RAP1GDS1: variants seen among roughly 807,000 people sequenced by gnomAD.
The protein encoded by RAP1GDS1 is Rap1 GTPase-GDP dissociation stimulator 1.
Under a neutral mutation model 71.1 loss-of-function variants are expected in RAP1GDS1, and 35 were observed. The ratio of observed to expected loss-of-function variants is 0.49; its 90% CI spans 0.38 to 0.65. The LOEUF (loss-of-function observed/expected upper bound fraction) is 0.65, where lower values mean the gene tolerates loss of function less well. RAP1GDS1 is among the 30% of genes least tolerant of loss of function. The pLI is 0.00. For synonymous variants in RAP1GDS1, 229 were observed against 243.1 expected (o/e 0.94, Z 0.54); for missense variants, 663 against 706.1 (o/e 0.94, Z 0.69).
chr4:98,323,267 G>C (rs1166259710), intron 2 of RAP1GDS1, among the ~76,000 whole-genome samples: 1 of 147,624 alleles, frequency 6.8e-6, no homozygotes, highest in Non-Finnish European at 1.5e-5. Context: ...AGCTGAAATT[G>C]TGGCAATAAT....
At chr4:98,346,780 G>A (rs1001427357) in intron 3 of RAP1GDS1, among the ~76,000 whole-genome samples, 4 of 152,012 alleles carry the variant, frequency 2.6e-5, no homozygotes, top group East Asian at 3.9e-4. Context: ...TCCTGACCTC[G>A]TGATCTGCCC....
intron 12 of RAP1GDS1, among the ~76,000 whole-genome samples, chr4:98,423,483 T>C (rs1222975195): frequency 3.9e-5 from 6 of 152,216 alleles, no homozygotes; most frequent in Non-Finnish European, 4.4e-5. Context: ...TTAAAGGGTT[T>C]TAAGCAGCAA....
chr4:98,431,463 AT>A (rs1267681490), intron 12 of RAP1GDS1, among the ~76,000 whole-genome samples: 1 of 152,222 alleles, frequency 6.6e-6, no homozygotes, highest in African/African-American at 2.4e-5. Flanking sequence ...AGCATGGATA[AT>A]TTGCCTTGGT....
At chr4:98,413,044 G>T (rs531080216) in intron 7 of RAP1GDS1, among the ~76,000 whole-genome samples, 5 of 152,028 alleles carry the variant, frequency 3.3e-5, no homozygotes, top group Non-Finnish European at 2.9e-5. Context: ...GCAGAGAACC[G>T]GTCTGACCTC....
chr4:98,303,885 G>T (rs555437978), intron 2 of RAP1GDS1, among the ~76,000 whole-genome samples: 91 of 151,912 alleles, frequency 6.0e-4, no homozygotes, highest in Non-Finnish European at 9.7e-4. Context: ...CCCATTGTGT[G>T]GTGTTCCCCT....
At chr4:98,353,807 G>A (rs967327490) in intron 4 of RAP1GDS1, among the ~76,000 whole-genome samples, 2 of 151,948 alleles carry the variant, frequency 1.3e-5, no homozygotes, top group South Asian at 4.1e-4. Flanking sequence ...AAATTCTGTT[G>A]CTTTATGTTT....
In RAP1GDS1 at chr4:98,293,415, C is replaced by T; in HGVS notation, c.12C>T (p.Leu4=). MDN[L]SDTLKKLKIT... is the part of the protein sequence containing the mutation. ...TTTTTTTTCTTTAAGCAGATAATCT[C>T]AGTGATACCTTGAAGAAGCTGAAGA... Residue 4 remains leucine, a synonymous_variant, in exon 2 of 15, where the codon CTC becomes CTT. Coordinates refer to ENST00000408927, the MANE Select transcript of RAP1GDS1 (RefSeq NM_001100427.2). 1 of 1,592,644 alleles carries T rather than the reference C, an allele frequency of 6.3e-7. No homozygotes were observed. The highest frequency in any genetic ancestry group is 8.5e-7 in the Non-Finnish European group (1 of 1,170,742).
chr4:98,344,325 C>T (rs187363686), intron 3 of RAP1GDS1, among the ~76,000 whole-genome samples: 7 of 152,148 alleles, frequency 4.6e-5, no homozygotes, highest in Non-Finnish European at 5.9e-5. Context: ...GGACCAACCC[C>T]TATCTGAATT....
At chr4:98,283,812 T>C (rs1725565343) in intron 1 of RAP1GDS1, among the ~76,000 whole-genome samples, 1 of 145,386 alleles carries the variant, frequency 6.9e-6, no homozygotes, top group South Asian at 2.3e-4. Flanking sequence ...GTACATTTCA[T>C]TGTGATTTTT....
At chr4:98,356,123 AGAAAG>A (rs1737934638) in intron 4 of RAP1GDS1, among the ~76,000 whole-genome samples, 2 of 152,178 alleles carry the variant, frequency 1.3e-5, no homozygotes, top group South Asian at 4.1e-4. Context: ...AGATCAGAGA[AGAAAG>A]GAAAGTTGTA....
At chr4:98,414,566 A>T (rs1189852162) in intron 7 of RAP1GDS1, among the ~76,000 whole-genome samples, 26 of 150,786 alleles carry the variant, frequency 1.7e-4, no homozygotes, top group East Asian at 1.6e-3. Context: ...TTCTGTTCCA[A>T]TGATCTATAT....
intron 2 of RAP1GDS1, among the ~76,000 whole-genome samples, chr4:98,319,668 C>G (rs977929024): frequency 9.9e-5 from 15 of 151,220 alleles, no homozygotes; most frequent in Non-Finnish European, 2.1e-4. Flanking sequence ...ATAATCCCAG[C>G]TACTCGGGAG....
intron 1 of RAP1GDS1, among the ~76,000 whole-genome samples, chr4:98,282,239 TG>T (rs1725222098): frequency 1.3e-5 from 2 of 152,208 alleles, no homozygotes; most frequent in Admixed American, 6.5e-5. Context: ...CGTCTGTCCC[TG>T]GACTTTTTTT....
At chr4:98,405,109 A>C (rs944861479) in intron 7 of RAP1GDS1, among the ~76,000 whole-genome samples, 1 of 152,218 alleles carries the variant, frequency 6.6e-6, no homozygotes, top group Non-Finnish European at 1.5e-5. Flanking sequence ...AATACATAAG[A>C]CAAAACACAC....
At chr4:98,379,872 G>A (rs1053507305) in intron 5 of RAP1GDS1, among the ~76,000 whole-genome samples, 7 of 151,728 alleles carry the variant, frequency 4.6e-5, no homozygotes, top group Non-Finnish European at 1.0e-4. Context: ...TATGTTCCTG[G>A]TATGTAACAC....
chr4:98,391,821 A>G (rs1478812381), intron 5 of RAP1GDS1, 131 bp from the exon 6 acceptor site: 20 of 910,952 alleles, frequency 2.2e-5, no homozygotes, highest in Non-Finnish European at 3.1e-5. Flanking sequence ...AATGGACTTC[A>G]TTTTCTATTA....
rs201183586 is a variant in RAP1GDS1, at chr4:98,281,051, CCAGCTT to C, written c.5-12356_5-12351del. 7.4e-3 allele frequency among the ~76,000 whole-genome samples: 1,126 copies of C among 152,262 alleles called. 8 individuals carry two copies. Among genetic ancestry groups the C allele is most frequent in the African/African-American group, 0.026 (1,075 of 41,556 alleles). ...TTTGAAGTCAGGTAGCATGATGCCT[CCAGCTT>C]TGTTCTTTTTGCATAGGATTGTCTT... On this transcript the variant is annotated intron_variant, in intron 1 of 14. Coordinates refer to ENST00000408927, the MANE Select transcript of RAP1GDS1 (RefSeq NM_001100427.2).
chr4:98,323,930 A>G (rs569934937), intron 2 of RAP1GDS1, among the ~76,000 whole-genome samples: 1 of 138,496 alleles, frequency 7.2e-6, no homozygotes, highest in South Asian at 2.5e-4. Context: ...CAGGGCAATC[A>G]GGCAGGAGAA....
intron 14 of RAP1GDS1, chr4:98,441,368 AG>A (rs979083057): frequency 1.0e-5 from 10 of 984,852 alleles, no homozygotes; most frequent in Admixed American, 6.1e-5. Context: ...AAAATCTAAA[AG>A]GGAGTCCAGT....
Sources: allele counts gnomAD v4.1 joint callset (sites outside exome capture counted in the v4.1 genomes callset), GRCh38; gene constraint gnomAD v4.1.1; transcripts MANE v1.5; gene names NCBI Gene and HGNC (gene_info 2026-07-23, HGNC 2026-07-21).